CADM1: variants seen among roughly 807,000 people sequenced by gnomAD.
CADM1 encodes the protein TSLC-1.
In CADM1, 15 loss-of-function variants were observed where a neutral mutation model predicts 53.1. The observed-to-expected ratio is 0.28, with a 90% CI of 0.19 to 0.44. The LOEUF (loss-of-function observed/expected upper bound fraction) is 0.44, where lower values mean the gene tolerates loss of function less well. Ranked by LOEUF, CADM1 falls within the 20% of genes least tolerant of loss-of-function variation. The pLI is 1.00. For synonymous variants in CADM1, 281 were observed against 243.0 expected, an observed-to-expected ratio of 1.16 and a Z score of -1.45; for missense variants, 434 against 611.3, an observed-to-expected ratio of 0.71 and a Z score of 3.06.
At chr11:115,375,604 C>T (rs1946418053) in intron 1 of CADM1, among the ~76,000 whole-genome samples, 1 of 152,034 alleles carries the variant, frequency 6.6e-6, no homozygotes, top group Non-Finnish European at 1.5e-5. Flanking sequence ...ATAATACTTA[C>T]ATAGTGTTTA....
At chr11:115,320,491 A>G (rs1191781831) in intron 1 of CADM1, among the ~76,000 whole-genome samples, 1 of 152,186 alleles carries the variant, frequency 6.6e-6, no homozygotes, top group Middle Eastern at 3.2e-3. Context: ...TGAATAATTT[A>G]TAGGATAAAA....
Position 115,295,536 on chromosome 11 carries a change from AT to A in CADM1, c.125-55117del, listed in dbSNP as rs1431330532. On this transcript the variant is annotated intron_variant, in intron 1 of 11. Coordinates refer to ENST00000331581, the MANE Select transcript of CADM1 (RefSeq NM_001301043.2). ...TATATATATATATATATATATATAT[AT>A]ATATATATATATAATATATATGTAT... 8.5e-3 allele frequency among the ~76,000 whole-genome samples: 653 copies of A among 76,504 alleles called. 30 individuals are homozygous for A. Among genetic ancestry groups the A allele is most frequent in the East Asian group, 0.073 (135 of 1,850 alleles). 50.2% of individuals were successfully genotyped at this position (76,504 alleles called of 152,430 possible).
At chr11:115,248,458 T>C (rs753852721) in intron 1 of CADM1, among the ~76,000 whole-genome samples, 14 of 152,198 alleles carry the variant, frequency 9.2e-5, no homozygotes, top group South Asian at 2.1e-4. Flanking sequence ...ATTCTCTCTA[T>C]AGAATGTTTA....
chr11:115,174,958 C>T lies in CADM1; in HGVS notation c.*1516G>A. 1 of 985,746 alleles carries T rather than the reference C, an allele frequency of 1.0e-6. No homozygotes were observed. The highest frequency in any genetic ancestry group is 1.2e-6 in the Non-Finnish European group (1 of 829,908). The allele number at this position is 985,746 out of a possible 1,614,324, so 61.1% of individuals were successfully genotyped here. A position where few individuals can be genotyped will look rare whatever the true frequency, so the allele number is the denominator to read the frequency against. ...GTGACTCCTCTACCTTTTCCCGAGG[C>T]TCCCCATCTAAGATATGTTCAAGGT... On this transcript the variant is annotated 3_prime_UTR_variant, in exon 12 of 12. Transcript: ENST00000331581.
At chr11:115,204,578 T>TG (rs5794961) in intron 8 of CADM1, among the ~76,000 whole-genome samples, 23,755 of 152,164 alleles carry the variant, frequency 0.16, 1,973 homozygotes, top group East Asian at 0.29. Context: ...GCTAAGACCC[T>TG]GGGGAATAGC....
intron 1 of CADM1, among the ~76,000 whole-genome samples, chr11:115,306,103 CAT>C (rs1555060491): frequency 1.3e-5 from 2 of 151,292 alleles, no homozygotes; most frequent in African/African-American, 4.9e-5. Context: ...CACACACACA[CAT>C]ACCGTCATGT....
In CADM1 at chr11:115,217,763, G is replaced by A. The variant is rs1054038830; in HGVS notation, c.821+129C>T. ...TTCCACTCTCACTGAATATTCTTTA[G>A]TTCCTGAAAAACCATCCATCCTTTG... On this transcript the variant is annotated intron_variant, in intron 6 of 11. Transcript: ENST00000331581. 1.4e-5 allele frequency: 10 copies of A among 730,686 alleles called. No individual in the cohort carries two copies. In the East Asian group the frequency reaches 2.3e-4, roughly 17 times the overall value. The allele number at this position is 730,686 out of a possible 1,614,324, so 45.3% of individuals were successfully genotyped here.
intron 1 of CADM1, among the ~76,000 whole-genome samples, chr11:115,462,632 A>AGGG (rs1165162936): frequency 6.6e-6 from 1 of 152,198 alleles, no homozygotes; most frequent in Admixed American, 6.5e-5. Flanking sequence ...GAGGAGGAGG[A>AGGG]GGGAGGAAAG....
intron 1 of CADM1, among the ~76,000 whole-genome samples, chr11:115,368,679 T>C (rs10160742): frequency 0.88 from 133,943 of 151,976 alleles, 59,320 homozygotes; most frequent in Non-Finnish European, 0.93. Context: ...CCTATCCATC[T>C]TTGGGTTAAC....
intron 1 of CADM1, among the ~76,000 whole-genome samples, chr11:115,425,213 A>G (rs542101364): frequency 6.6e-6 from 1 of 152,360 alleles, no homozygotes; most frequent in African/African-American, 2.4e-5. Flanking sequence ...TCTTTTATTA[A>G]TAAGTCTTTG....
chr11:115,223,487 A>G (rs1941481552), intron 5 of CADM1, among the ~76,000 whole-genome samples: 1 of 152,204 alleles, frequency 6.6e-6, no homozygotes, highest in South Asian at 2.1e-4. Context: ...TAAGTATTCA[A>G]TGTCCACAGC....
intron 1 of CADM1, among the ~76,000 whole-genome samples, chr11:115,495,836 C>T (rs1238097804): frequency 3.9e-5 from 6 of 152,220 alleles, no homozygotes; most frequent in East Asian, 1.9e-4. Flanking sequence ...GGTAACTACA[C>T]GCACCAGACA....
chr11:115,219,740 G>C lies in CADM1; in HGVS notation c.722-1749C>G, dbSNP rs188884439. ...TCCTGGGCACCCCCTTTCAGAGACAGAGGCCACATATTAGGCTAACTACAA... is the reference window on the plus strand; with the variant it reads ...TCCTGGGCACCCCCTTTCAGAGACACAGGCCACATATTAGGCTAACTACAA... On this transcript the variant is annotated intron_variant, in intron 5 of 11. Coordinates refer to ENST00000331581, the MANE Select transcript of CADM1 (RefSeq NM_001301043.2). Among the ~76,000 whole-genome samples the C allele has an allele frequency of 4.5e-3, 687 of 152,286 alleles. 5 individuals are homozygous for C. The highest frequency in any genetic ancestry group is 0.014 in the African/African-American group (572 of 41,558).
intron 1 of CADM1, among the ~76,000 whole-genome samples, chr11:115,282,511 C>A (rs546081753): frequency 2.0e-4 from 30 of 152,318 alleles, no homozygotes; most frequent in Admixed American, 1.8e-3. Context: ...TTCACAATCA[C>A]CAGTGCATTC....
intron 1 of CADM1, among the ~76,000 whole-genome samples, chr11:115,337,842 A>G (rs1441088224): frequency 6.6e-6 from 1 of 152,176 alleles, no homozygotes; most frequent in Non-Finnish European, 1.5e-5. Context: ...ATGTTATGAG[A>G]GGGTCATACT....
intron 1 of CADM1, among the ~76,000 whole-genome samples, chr11:115,276,358 C>T (rs576569573): frequency 6.6e-6 from 1 of 152,236 alleles, no homozygotes; most frequent in African/African-American, 2.4e-5. Context: ...GGGAAAGTCA[C>T]ATGTGTGGGC....
chr11:115,482,370 G>A (rs967068597), intron 1 of CADM1, among the ~76,000 whole-genome samples: 2 of 152,288 alleles, frequency 1.3e-5, no homozygotes, highest in South Asian at 2.1e-4. Context: ...ATGGAAGAGA[G>A]CCTATATAAT....
chr11:115,169,449 CA>C lies in CADM1; in HGVS notation c.*7024del. Reference sequence around the variant, plus strand: ...AGCTGTGAATGTTATACAATTTCAGCAGCAGCAATGGGCTTTGGCAGGGAAG... The same window carrying C: ...AGCTGTGAATGTTATACAATTTCAGCGCAGCAATGGGCTTTGGCAGGGAAG... On this transcript the variant is annotated 3_prime_UTR_variant, in exon 12 of 12. Transcript: ENST00000331581. 1 of 375,914 alleles carries C rather than the reference CA, an allele frequency of 2.7e-6. No individual in the cohort carries two copies. The highest frequency in any genetic ancestry group is 5.2e-6 in the Non-Finnish European group (1 of 190,638). The allele number at this position is 375,914 out of a possible 1,614,324, so 23.3% of individuals were successfully genotyped here.
At chr11:115,401,345 A>T (rs551104590) in intron 1 of CADM1, among the ~76,000 whole-genome samples, 9 of 152,044 alleles carry the variant, frequency 5.9e-5, no homozygotes, top group Non-Finnish European at 1.2e-4. Context: ...GCGGTGGCCC[A>T]CGCCTGTAAT....
Sources: gnomAD v4.1 joint callset for allele counts (sites outside exome capture counted in the v4.1 genomes callset) on GRCh38, gnomAD v4.1.1 for gene constraint, MANE v1.5 for transcripts, NCBI Gene and HGNC (gene_info 2026-07-23, HGNC 2026-07-21) for gene names.